LRRD1: variants seen among roughly 807,000 people sequenced by gnomAD.
LRRD1 encodes leucine-rich repeat and death domain-containing protein 1.
Under a neutral mutation model 69.5 loss-of-function variants are expected in LRRD1, and 49 were observed. That is an observed-to-expected ratio of 0.70 (90% CI 0.56 to 0.89). LRRD1 has a LOEUF of 0.89. Among genes scored for constraint, LRRD1 ranks in the 40% least tolerant of loss-of-function variants. The pLI, the probability that LRRD1 is intolerant of heterozygous loss-of-function variation, is 0.00. For synonymous variants in LRRD1, 303 were observed against 338.9 expected, an observed-to-expected ratio of 0.89 and a Z score of 1.16; for missense variants, 853 against 956.0, an observed-to-expected ratio of 0.89 and a Z score of 1.42.
chr7:92,148,693 T>C (rs1193546505), intron 4 of LRRD1, among the ~76,000 whole-genome samples: 1 of 152,186 alleles, frequency 6.6e-6, no homozygotes, highest in African/African-American at 2.4e-5. Context: ...AGAAATACTT[T>C]ATGGATCCTA....
chr7:92,167,709 C>T (rs1788941922), intron 1 of LRRD1, among the ~76,000 whole-genome samples: 1 of 150,842 alleles, frequency 6.6e-6, no homozygotes, highest in Admixed American at 6.6e-5. Context: ...AATCACGTCT[C>T]TACTAAAAAT....
rs1364019419 is a variant in LRRD1 at position 92,164,911 on chromosome 7, G to C, written c.292C>G (p.Gln98Glu). 6.4e-7 allele frequency: 1 copy of C among 1,551,550 alleles called. No individual in the cohort carries two copies. The highest frequency in any genetic ancestry group is 1.2e-5 in the South Asian group (1 of 84,058). ...CTCCCAGTTAGTGATGATAAACTCT[G>C]TGAAGTTCCTGTTCTAGTGCTTGTT... ...SETSTRTGTS[Q>E]SLSSLTGRTA... The change falls in exon 2 of 6, where the codon CAG becomes GAG. Residue 98 changes from glutamine to glutamate, a missense_variant. Physicochemically the swap from Gln to Glu is conservative, Grantham distance 29 (BLOSUM62 2). Transcript: ENST00000458448.
chr7:92,174,503 A>ATTTTTTTTTTTTTTTTTTTT (rs1190934761), intron 1 of LRRD1, among the ~76,000 whole-genome samples: 1 of 20,108 alleles, frequency 5.0e-5, no homozygotes, highest in African/African-American at 2.2e-4. Context: ...ATATATATAT[A>ATTTTTTTTTTTTTTTTTTTT]TATATATTTT....
At chr7:92,151,633 A>G (rs1820468943) in intron 3 of LRRD1, among the ~76,000 whole-genome samples, 1 of 152,164 alleles carries the variant, frequency 6.6e-6, no homozygotes, top group Non-Finnish European at 1.5e-5. Context: ...AATTTTTTCA[A>G]TACCATCCTA....
chr7:92,144,732 C>A, downstream of LRRD1: 2 of 360,456 alleles, frequency 5.5e-6, no homozygotes, highest in East Asian at 4.3e-5. Context: ...TTTATTATAA[C>A]ATTAGAGTGA....
intron 2 of LRRD1, among the ~76,000 whole-genome samples, chr7:92,161,082 T>A (rs528834166): frequency 6.6e-6 from 1 of 152,326 alleles, no homozygotes; most frequent in South Asian, 2.1e-4. Flanking sequence ...TATTCTTTAA[T>A]TACCTTCTCA....
chr7:92,159,717 G>T (rs1404013892), intron 2 of LRRD1, among the ~76,000 whole-genome samples: 3 of 151,404 alleles, frequency 2.0e-5, no homozygotes, highest in East Asian at 1.9e-4. Context: ...TGCCTACCGG[G>T]TTCAAGCAAT....
Position 92,163,849 on chromosome 7 carries a change from T to C in LRRD1, c.1354A>G (p.Ile452Val). Residue 452 changes from isoleucine to valine, a missense_variant, in exon 2 of 6, where the codon ATA (isoleucine) becomes GTA (valine). Ile to Val is a conservative substitution (Grantham distance 29). Transcript: ENST00000458448. ...ATTTCAATGGGAACATCTGTGATTA[T>C]GTTTCCTGAAAATTCTAGACTGCAT... is the stretch of plus-strand genomic sequence containing the variant. The part of the protein sequence containing the change: ...NICSLEFSGN[I>V]ITDVPIEIKN... 4 of 1,503,830 alleles carry C rather than the reference T, an allele frequency of 2.7e-6. No individual in the cohort carries two copies. The highest frequency in any genetic ancestry group is 3.5e-6 in the Non-Finnish European group (4 of 1,130,808). 93.2% of individuals were successfully genotyped at this position (1,503,830 alleles called of 1,614,324 possible). A position where few individuals can be genotyped will look rare whatever the true frequency, so the allele number is the denominator to read the frequency against.
intron 2 of LRRD1, 30 bp downstream of exon 2, chr7:92,163,256 C>T (rs997721180): frequency 1.5e-5 from 20 of 1,329,170 alleles, no homozygotes; most frequent in Non-Finnish European, 1.8e-5. Flanking sequence ...TCTCTCCTTC[C>T]CCACAAAGCC....
intron 3 of LRRD1, among the ~76,000 whole-genome samples, chr7:92,157,551 C>CCTTT (rs1439265792): frequency 2.0e-5 from 3 of 150,724 alleles, no homozygotes; most frequent in Non-Finnish European, 4.4e-5. Context: ...TTCCTTCCTT[C>CCTTT]CTTCCTTTCT....
chr7:92,164,962 G>T lies in LRRD1; in HGVS notation c.241C>A (p.Gln81Lys), dbSNP rs1014431514. The T allele has an allele frequency of 3.2e-6, 5 of 1,551,248 alleles. No homozygotes were observed. Among genetic ancestry groups the T allele is most frequent in the Non-Finnish European group, 4.4e-6 (5 of 1,146,824 alleles). The change falls in exon 2 of 6, where the codon CAA (glutamine) becomes AAA (lysine). Residue 81 changes from glutamine (Q) to lysine (K), a missense_variant. By Grantham distance (53) the Gln-to-Lys change is moderately conservative. This residue lies in a region of LRRD1 where 99 missense variants were observed against 107.0 expected (regional missense o/e 0.92). Coordinates refer to ENST00000458448, the MANE Select transcript of LRRD1 (RefSeq NM_001161528.2). ...TCAGAAAATTGAAGATTTTTCTTTT[G>T]TTCTTCATTTCTCTTAGACTTCCTT... ...SGRKSKRNEE[Q>K]KKNLQFSETS...
At chr7:92,167,284 C>T (rs369022682) in intron 1 of LRRD1, among the ~76,000 whole-genome samples, 35 of 150,872 alleles carry the variant, frequency 2.3e-4, no homozygotes, top group East Asian at 2.0e-4. Flanking sequence ...TTAGTAGAGA[C>T]GAGGTTTCAC....
At chr7:92,150,086 A>C (rs781307941) in intron 4 of LRRD1, among the ~76,000 whole-genome samples, 2 of 152,220 alleles carry the variant, frequency 1.3e-5, no homozygotes, top group Non-Finnish European at 1.5e-5. Flanking sequence ...TCCTAAACTT[A>C]AGAAAAGAAA....
In LRRD1 at chr7:92,147,984, T is replaced by C. The variant is rs370336700; in HGVS notation, c.2279-1784A>G. On this transcript the variant is annotated intron_variant, in intron 4 of 5. Coordinates refer to ENST00000458448, the MANE Select transcript of LRRD1 (RefSeq NM_001161528.2). Reference sequence around the variant, plus strand: ...CAGGCTAGAGTACAGTGGCGGGATCTCATCTCACTACAATCTCCGCCTCCT... The same window carrying C: ...CAGGCTAGAGTACAGTGGCGGGATCCCATCTCACTACAATCTCCGCCTCCT... Among the ~76,000 whole-genome samples, 4 of 152,288 alleles carry C rather than the reference T, an allele frequency of 2.6e-5. 1 individual carries two copies.
Position 92,179,126 on chromosome 7 carries a change from C to T in LRRD1, c.-194G>A, listed in dbSNP as rs1046880348. 3 of 152,312 alleles carry T rather than the reference C, an allele frequency of 2.0e-5. No individual in the cohort carries two copies. The highest frequency in any genetic ancestry group is 6.5e-5 in the Admixed American group (1 of 15,290). 9.4% of individuals were successfully genotyped at this position (152,312 alleles called of 1,614,324 possible). ...GCCCAGCACTGACGCCTCTCCGGGCCGTGGCTCCTCTTTCCCAGGCCGAAA... is the reference window on the plus strand; with the variant it reads ...GCCCAGCACTGACGCCTCTCCGGGCTGTGGCTCCTCTTTCCCAGGCCGAAA... On this transcript the variant is annotated 5_prime_UTR_variant, in exon 1 of 6. Coordinates refer to ENST00000458448, the MANE Select transcript of LRRD1 (RefSeq NM_001161528.2).
chr7:92,174,357 A>G (rs949563740), intron 1 of LRRD1, among the ~76,000 whole-genome samples: 1 of 150,614 alleles, frequency 6.6e-6, no homozygotes, highest in African/African-American at 2.4e-5. Context: ...AAAGGCAAAT[A>G]TTTATGTTTA....
chr7:92,178,508 T>C (rs1023394385), intron 1 of LRRD1, among the ~76,000 whole-genome samples: 3 of 150,944 alleles, frequency 2.0e-5, no homozygotes, highest in African/African-American at 7.3e-5. Context: ...CCGTCTCTAC[T>C]AAAAATACAA....
chr7:92,142,592 C>G (rs1289758681), downstream of LRRD1: 3 of 450,400 alleles, frequency 6.7e-6, no homozygotes, highest in Admixed American at 2.4e-5. Flanking sequence ...AAGTATGAAG[C>G]CGACCCTCAC....
chr7:92,147,834 C>A (rs1232351776), intron 4 of LRRD1, among the ~76,000 whole-genome samples: 1 of 152,084 alleles, frequency 6.6e-6, no homozygotes, highest in Admixed American at 6.6e-5. Flanking sequence ...CAGGCTCAAG[C>A]GACTCTCCCA....
Sources: allele counts gnomAD v4.1 joint callset (sites outside exome capture counted in the v4.1 genomes callset), GRCh38; gene constraint gnomAD v4.1.1; regional missense constraint gnomAD v4.1.1; transcripts MANE v1.5; gene names NCBI Gene and HGNC (gene_info 2026-07-23, HGNC 2026-07-21).